CDH18: variants seen among roughly 807,000 people sequenced by gnomAD.
CDH18 encodes the protein cadherin-18.
A neutral mutation model predicts 67.9 loss-of-function variants in CDH18; 31 were observed. The ratio of observed to expected loss-of-function variants is 0.46; its 90% CI spans 0.34 to 0.62. CDH18 has a LOEUF of 0.62. CDH18 is among the 20% of genes least tolerant of loss of function. The probability of loss-of-function intolerance (pLI) is 0.01; values close to 1 mark genes in which losing one functional copy is unlikely to be tolerated. For synonymous variants in CDH18, 362 were observed against 347.2 expected, an observed-to-expected ratio of 1.04 and a Z score of -0.48; for missense variants, 890 against 975.5, an observed-to-expected ratio of 0.91 and a Z score of 1.17.
At chr5:19,678,319 T>C (rs1391086702) in intron 5 of CDH18, among the ~76,000 whole-genome samples, 3 of 149,952 alleles carry the variant, frequency 2.0e-5, no homozygotes, top group African/African-American at 4.9e-5. Context: ...AAATAAATAC[T>C]AGAAAAATCA....
At chr5:20,115,827 G>A (rs542681462) in intron 2 of CDH18, among the ~76,000 whole-genome samples, 2 of 152,156 alleles carry the variant, frequency 1.3e-5, no homozygotes, top group African/African-American at 2.4e-5. Context: ...TAAAGTGGTT[G>A]CTTCCTATTA....
intron 5 of CDH18, among the ~76,000 whole-genome samples, chr5:19,672,983 A>G (rs950304901): frequency 6.6e-6 from 1 of 152,054 alleles, no homozygotes; most frequent in African/African-American, 2.4e-5. Flanking sequence ...ATATTCATTT[A>G]TAATTAAATC....
chr5:20,324,142 A>C (rs1441622943), intron 1 of CDH18, among the ~76,000 whole-genome samples: 1 of 152,196 alleles, frequency 6.6e-6, no homozygotes, highest in Non-Finnish European at 1.5e-5. Context: ...ACCACCACTC[A>C]ATGTGTAACA....
At chr5:19,824,155 G>A (rs1730208824) in intron 3 of CDH18, among the ~76,000 whole-genome samples, 1 of 152,128 alleles carries the variant, frequency 6.6e-6, no homozygotes, top group Admixed American at 6.6e-5. Context: ...AGGCACAGTG[G>A]AATAATATAC....
intron 3 of CDH18, among the ~76,000 whole-genome samples, chr5:19,800,164 T>C (rs1777302174): frequency 6.6e-6 from 1 of 152,176 alleles, no homozygotes; most frequent in East Asian, 1.9e-4. Context: ...AGGCTTCTGC[T>C]GTGCAACTCT....
chr5:19,567,405 A>T (rs553662943), intron 8 of CDH18, among the ~76,000 whole-genome samples: 7 of 152,176 alleles, frequency 4.6e-5, no homozygotes, highest in Non-Finnish European at 8.8e-5. Flanking sequence ...AGCTTTTCAC[A>T]AATGCTTGCA....
chr5:19,998,747 G>A (rs752279986), intron 2 of CDH18, among the ~76,000 whole-genome samples: 12 of 152,032 alleles, frequency 7.9e-5, no homozygotes, highest in Admixed American at 1.3e-4. Context: ...CAAAAAATAC[G>A]AGTTTAGGGT....
chr5:19,505,105 T>G (rs182027472), intron 10 of CDH18, among the ~76,000 whole-genome samples: 3 of 152,244 alleles, frequency 2.0e-5, no homozygotes, highest in Non-Finnish European at 4.4e-5. Flanking sequence ...AACAGAAAGC[T>G]CACATATGAC....
intron 3 of CDH18, among the ~76,000 whole-genome samples, chr5:19,786,766 A>T (rs904520168): frequency 6.6e-6 from 1 of 152,108 alleles, no homozygotes; most frequent in African/African-American, 2.4e-5. Context: ...CTAGAATCTT[A>T]GTAGGTTACC....
At position 19,999,134 on chromosome 5, in the gene CDH18, T is replaced by G. The variant is rs74872179; in HGVS notation, c.-517-7120A>C. Among the ~76,000 whole-genome samples the G allele has an allele frequency of 0.018, 2,722 of 152,072 alleles. 173 individuals carry two copies. The East Asian group carries it at 0.25, about 14-fold the overall frequency. On this transcript the variant is annotated intron_variant, in intron 2 of 14. Transcript: ENST00000507958. Reference sequence around the variant, plus strand: ...AGAAAAAGTAAAATATTAGATAAAGTCCCTGTAAACACAGGAGATTTAAGA... The same window carrying G: ...AGAAAAAGTAAAATATTAGATAAAGGCCCTGTAAACACAGGAGATTTAAGA...
intron 1 of CDH18, among the ~76,000 whole-genome samples, chr5:20,575,238 C>A (rs575644065): frequency 1.3e-5 from 2 of 151,302 alleles, no homozygotes; most frequent in Admixed American, 6.6e-5. Flanking sequence ...AATGTAGTGA[C>A]CTTATTTTTG....
intron 1 of CDH18, among the ~76,000 whole-genome samples, chr5:20,349,016 C>CT (rs967192671): frequency 3.9e-4 from 59 of 152,042 alleles, no homozygotes; most frequent in Non-Finnish European, 7.8e-4. Flanking sequence ...TGTGTATTTA[C>CT]TTTTTAAAGA....
At chr5:19,512,622 G>A (rs1339188942) in intron 10 of CDH18, among the ~76,000 whole-genome samples, 2 of 152,082 alleles carry the variant, frequency 1.3e-5, no homozygotes, top group Non-Finnish European at 2.9e-5. Context: ...ATATTGACCT[G>A]ATATTTAGCA....
chr5:19,840,162 G>T (rs1390904172), intron 2 of CDH18, among the ~76,000 whole-genome samples: 1 of 151,184 alleles, frequency 6.6e-6, no homozygotes, highest in Non-Finnish European at 1.5e-5. Context: ...CAGCTACTCA[G>T]GAGGCTAAGG....
At chr5:20,111,481 C>A (rs528559337) in intron 2 of CDH18, among the ~76,000 whole-genome samples, 1 of 150,788 alleles carries the variant, frequency 6.6e-6, no homozygotes, top group African/African-American at 2.4e-5. Context: ...CCAATGAGAA[C>A]AGAAGTAATA....
At chr5:20,342,789 T>C (rs1561988712) in intron 1 of CDH18, among the ~76,000 whole-genome samples, 1 of 152,154 alleles carries the variant, frequency 6.6e-6, no homozygotes, top group Admixed American at 6.5e-5. Context: ...AGCTGAAATA[T>C]GCGTTAAAAG....
intron 2 of CDH18, among the ~76,000 whole-genome samples, chr5:19,853,447 A>G (rs1386411180): frequency 6.6e-6 from 1 of 152,110 alleles, no homozygotes; most frequent in East Asian, 1.9e-4. Flanking sequence ...GGAAAACACA[A>G]ACACTCAGTC....
intron 1 of CDH18, among the ~76,000 whole-genome samples, chr5:20,416,594 A>G (rs1332474761): frequency 6.6e-6 from 1 of 152,162 alleles, no homozygotes; most frequent in African/African-American, 2.4e-5. Context: ...AAGGAAATAC[A>G]TGAAATAGTC....
chr5:19,477,882 C>A (rs1280773640), intron 12 of CDH18, among the ~76,000 whole-genome samples: 1 of 151,878 alleles, frequency 6.6e-6, no homozygotes, highest in Admixed American at 6.6e-5. Context: ...AATTTGAAGC[C>A]AACTGGATTG....
Sources: allele counts gnomAD v4.1 joint callset (sites outside exome capture counted in the v4.1 genomes callset), GRCh38; gene constraint gnomAD v4.1.1; transcripts MANE v1.5; gene names NCBI Gene and HGNC (gene_info 2026-07-23, HGNC 2026-07-21).